The following DPP4 variants were observed in gnomAD, a reference collection of about 807,000 sequenced individuals.
The protein encoded by DPP4 is dipeptidyl peptidase 4.
In DPP4, 93 loss-of-function variants were observed where a neutral mutation model predicts 122.4. The ratio of observed to expected loss-of-function variants is 0.76; its 90% CI spans 0.64 to 0.90. The LOEUF (loss-of-function observed/expected upper bound fraction) is 0.90. Among genes scored for constraint, DPP4 ranks in the 40% least tolerant of loss-of-function variants. The pLI, the probability that DPP4 is intolerant of heterozygous loss-of-function variation, is 0.00. For missense variants in DPP4, 914 were observed against 907.3 expected, an observed-to-expected ratio of 1.01 and a Z score of -0.09; for synonymous variants, 321 against 302.9, an observed-to-expected ratio of 1.06 and a Z score of -0.62.
intron 3 of DPP4, 52 bp downstream of exon 3, chr2:162,047,351 T>A: frequency 9.2e-7 from 1 of 1,082,516 alleles, no homozygotes; most frequent in Non-Finnish European, 1.4e-6. Context: ...CATCTCGACT[T>A]AACTAGAATG....
In DPP4 at chr2:162,047,400, T is replaced by C; in HGVS notation, c.193+3A>G. 6.6e-7 allele frequency: 1 copy of C among 1,519,054 alleles called. No homozygotes were observed. The highest frequency in any genetic ancestry group is 8.9e-7 in the Non-Finnish European group (1 of 1,117,744). The allele number at this position is 1,519,054 out of a possible 1,614,324, so 94.1% of individuals were successfully genotyped here. ...AATCTGCCCTACCCCAAAAAATTCT[T>C]ACCTGAAATCCATCTTAAGGAGTAT... is the stretch of plus-strand genomic sequence containing the variant. On this transcript the variant is annotated splice_donor_region_variant and intron_variant, in intron 3 of 25. Transcript: ENST00000360534.
chr2:162,010,983 A>G (rs1682683155), intron 20 of DPP4, among the ~76,000 whole-genome samples: 1 of 152,180 alleles, frequency 6.6e-6, no homozygotes, highest in Admixed American at 6.5e-5. Flanking sequence ...AGTTGAATGT[A>G]ATTAAATATA....
At chr2:162,036,758 A>C (rs905601274) in intron 8 of DPP4, among the ~76,000 whole-genome samples, 1 of 152,164 alleles carries the variant, frequency 6.6e-6, no homozygotes, top group Non-Finnish European at 1.5e-5. Flanking sequence ...CTGGGTGGTG[A>C]TTCATAGCTC....
At position 161,993,383 on chromosome 2, in the gene DPP4, C is replaced by A; in HGVS notation, c.2201G>T (p.Trp734Leu). ...VDVGVDFQAMWYTDEDHGIAS... is the reference protein window; with the variant it reads ...VDVGVDFQAMLYTDEDHGIAS... ...TATTCCATGGTCTTCATCAGTATAC[C>A]ACTAGAGAGAGAAAGAAAAGAAGTT... The change falls in exon 26 of 26, where the codon TGG becomes TTG. Residue 734 changes from tryptophan (W) to leucine (L), a missense_variant and splice_region_variant. By Grantham distance (61) the Trp-to-Leu change is moderately conservative. Transcript: ENST00000360534. 6.2e-7 allele frequency: 1 copy of A among 1,604,180 alleles called. No homozygotes were observed. Among genetic ancestry groups the A allele is most frequent in the Non-Finnish European group, 8.5e-7 (1 of 1,172,110 alleles).
intron 2 of DPP4, among the ~76,000 whole-genome samples, chr2:162,049,526 A>G (rs1025533232): frequency 6.6e-6 from 1 of 152,120 alleles, no homozygotes; most frequent in Non-Finnish European, 1.5e-5. Context: ...AGAATAGCTA[A>G]CAGACTCTGG....
Position 162,016,901 on chromosome 2 carries a change from C to G in DPP4, c.1469-35G>C, listed in dbSNP as rs377621908. 5 of 1,578,120 alleles carry G rather than the reference C, an allele frequency of 3.2e-6. No homozygotes were observed. The African/African-American group carries it at 4.1e-5, about 13-fold the overall frequency. On this transcript the variant is annotated intron_variant, in intron 17 of 25. Transcript: ENST00000360534. ...TACAGGAGACAGCAGTCATTCATTACAATGTGAAAAATGTGGATTATGTAG... is the reference window on the plus strand; with the variant it reads ...TACAGGAGACAGCAGTCATTCATTAGAATGTGAAAAATGTGGATTATGTAG...
chr2:162,060,570 T>C (rs1302204898), intron 2 of DPP4, among the ~76,000 whole-genome samples: 1 of 152,214 alleles, frequency 6.6e-6, no homozygotes, highest in Non-Finnish European at 1.5e-5. Flanking sequence ...GCTGAACAAC[T>C]CAGGTCCTGC....
In DPP4 at chr2:162,038,306, A is replaced by G; in HGVS notation, c.609T>C (p.Tyr203=). The G allele has an allele frequency of 5.7e-6, 9 of 1,566,630 alleles. No homozygotes were observed. Among genetic ancestry groups the G allele is most frequent in the Non-Finnish European group, 7.8e-6 (9 of 1,161,284 alleles). Residue 203 remains tyrosine, a synonymous_variant, in exon 8 of 26, where the codon TAT becomes TAC. Coordinates refer to ENST00000360534, the MANE Select transcript of DPP4 (RefSeq NM_001935.4). ...IIYNGITDWV[Y]EEEVFSAYSA... The stretch of plus-strand genomic sequence containing the variant: ...AAAAAGCTTTAAAGTTTCTACCTTC[A>G]TAAACCCAGTCAGTTATTCCATTAT...
chr2:161,999,177 C>A (rs1272104539), intron 23 of DPP4, among the ~76,000 whole-genome samples: 7 of 152,126 alleles, frequency 4.6e-5, no homozygotes, highest in Non-Finnish European at 1.0e-4. Flanking sequence ...CAACTGTGCA[C>A]CCTGGCTTCT....
In DPP4 at chr2:162,046,981, T is replaced by G. The variant is rs760483332; in HGVS notation, c.219A>C (p.Glu73Asp). 3.1e-6 allele frequency: 5 copies of G among 1,594,666 alleles called. No individual in the cohort carries two copies. The highest frequency in any genetic ancestry group is 4.3e-6 in the Non-Finnish European group (5 of 1,163,048). Reference sequence around the variant, plus strand: ...CAGCATTGAATACCAAGATATTATTTTCTTGTTTGTAGAGATATTCATGAT... The same window carrying G: ...CAGCATTGAATACCAAGATATTATTGTCTTGTTTGTAGAGATATTCATGAT... ...ISDHEYLYKQ[E>D]NNILVFNAEY... Residue 73 changes from glutamate to aspartate, a missense_variant, in exon 4 of 26, where the codon GAA (glutamate) becomes GAC (aspartate). Transcript: ENST00000360534.
In DPP4 at chr2:162,005,658, T is replaced by G. The variant is rs962146985; in HGVS notation, c.2052+87A>C. The G allele has an allele frequency of 3.4e-6, 4 of 1,188,126 alleles. No homozygotes were observed. The African/African-American group carries it at 6.2e-5, about 19-fold the overall frequency. The allele number at this position is 1,188,126 out of a possible 1,614,324, so 73.6% of individuals were successfully genotyped here. On this transcript the variant is annotated intron_variant, in intron 23 of 25. Transcript: ENST00000360534. ...AAGAATTTTGTTGGAAATAAAAATA[T>G]GTATTTTCTAGAATAGATACAATTA...
intron 19 of DPP4, among the ~76,000 whole-genome samples, chr2:162,013,710 A>G (rs1032106382): frequency 6.6e-6 from 1 of 152,140 alleles, no homozygotes; most frequent in African/African-American, 2.4e-5. Flanking sequence ...TGTTTTTAAT[A>G]TAGGAAATGA....
chr2:162,052,774 G>A (rs1684427012), intron 2 of DPP4, among the ~76,000 whole-genome samples: 1 of 152,210 alleles, frequency 6.6e-6, no homozygotes, highest in South Asian at 2.1e-4. Context: ...GCTGTGGATA[G>A]AACCTCGGTC....
chr2:162,064,929 T>C (rs1454552658), intron 2 of DPP4, among the ~76,000 whole-genome samples: 1 of 152,236 alleles, frequency 6.6e-6, no homozygotes, highest in African/African-American at 2.4e-5. Flanking sequence ...TCTGTCCTCT[T>C]TTGTTGAAAA....
chr2:162,067,512 A>G (rs533101990), intron 2 of DPP4, among the ~76,000 whole-genome samples: 2 of 152,306 alleles, frequency 1.3e-5, no homozygotes, highest in African/African-American at 4.8e-5. Flanking sequence ...CTGAACTCAT[A>G]GGTCTACTTT....
In DPP4 at chr2:162,024,864, G is replaced by A; in HGVS notation, c.963C>T (p.Asn321=). 1 of 1,613,914 alleles carries A rather than the reference G, an allele frequency of 6.2e-7. No homozygotes were observed. The change falls in exon 11 of 26, where the codon AAC becomes AAT. Residue 321 remains asparagine (N), a synonymous_variant. Transcript: ENST00000360534. Reference sequence around the variant, plus strand: ...AGTCACAAATATCCATGACCGAATAGTTCTGAATCCTCCTGAGCCACTGCA... The same window carrying A: ...AGTCACAAATATCCATGACCGAATAATTCTGAATCCTCCTGAGCCACTGCA... The part of the protein sequence containing the change: ...ISLQWLRRIQ[N]YSVMDICDYD...
At chr2:162,045,401 G>T in intron 5 of DPP4, 131 bp downstream of exon 5, 2 of 666,148 alleles carry the variant, frequency 3.0e-6, no homozygotes, top group Non-Finnish European at 5.3e-6. Context: ...CTCTGATTCT[G>T]AATTAATGAG....
At chr2:162,049,905 T>A (rs531421033) in intron 2 of DPP4, among the ~76,000 whole-genome samples, 1 of 152,376 alleles carries the variant, frequency 6.6e-6, no homozygotes, top group African/African-American at 2.4e-5. Context: ...TTAAACCTTG[T>A]TCATTTAATA....
chr2:162,035,311 A>G lies in DPP4; in HGVS notation c.627T>C (p.Ser209=), dbSNP rs889280366. 6.2e-7 allele frequency: 1 copy of G among 1,610,758 alleles called. No individual in the cohort carries two copies. Among genetic ancestry groups the G allele is most frequent in the African/African-American group, 1.3e-5 (1 of 74,884 alleles). Residue 209 remains serine, a synonymous_variant, in exon 9 of 26, where the codon AGT becomes AGC. Transcript: ENST00000360534. ...GAGACCACCACAGAGCAGAGTAGGC[A>G]CTGAAGACTTCCTCTGAAAAAAGAC... The part of the protein sequence containing the change: ...TDWVYEEEVF[S]AYSALWWSPN...
Sources: allele counts gnomAD v4.1 joint callset (sites outside exome capture counted in the v4.1 genomes callset), GRCh38; gene constraint gnomAD v4.1.1; transcripts MANE v1.5; gene names NCBI Gene and HGNC (gene_info 2026-07-23, HGNC 2026-07-21).